The following CDH1 variants were observed in gnomAD, a reference collection of about 807,000 sequenced individuals.
The protein encoded by CDH1 is cadherin-1.
A neutral mutation model predicts 84.5 loss-of-function variants in CDH1; 35 were observed. That is an observed-to-expected ratio of 0.41 (90% CI 0.32 to 0.55). CDH1 has a LOEUF of 0.55. Among genes scored for constraint, CDH1 ranks in the 20% least tolerant of loss-of-function variants. The pLI is 0.19. For missense variants in CDH1, 994 were observed against 1,126.6 expected (o/e 0.88, Z 1.68); for synonymous variants, 417 against 439.0 (o/e 0.95, Z 0.63).
intron 10 of CDH1, among the ~76,000 whole-genome samples, chr16:68,816,071 G>A (rs1314234223): frequency 6.6e-6 from 1 of 152,156 alleles, no homozygotes; most frequent in South Asian, 2.1e-4. Context: ...AGGCTAGCGT[G>A]CAGTGGCGTG....
At chr16:68,792,034 C>A (rs912272860) in intron 2 of CDH1, among the ~76,000 whole-genome samples, 1 of 151,500 alleles carries the variant, frequency 6.6e-6, no homozygotes, top group South Asian at 2.1e-4. Flanking sequence ...AATTCTCCTG[C>A]CTTACTCTCC....
At chr16:68,804,175 G>A (rs569171362) in intron 3 of CDH1, among the ~76,000 whole-genome samples, 15 of 133,170 alleles carry the variant, frequency 1.1e-4, no homozygotes, top group Non-Finnish European at 4.7e-5. Context: ...GTGCAGTGGC[G>A]CGATCTCAGC....
intron 15 of CDH1, 117 bp downstream of exon 15, chr16:68,829,914 C>T: frequency 9.2e-7 from 1 of 1,090,662 alleles, no homozygotes; most frequent in Non-Finnish European, 1.4e-6. Flanking sequence ...TTCAGCTTGC[C>T]TGAGCCCTGG....
chr16:68,795,692 C>T (rs916469695), intron 2 of CDH1, among the ~76,000 whole-genome samples: 2 of 147,966 alleles, frequency 1.4e-5, no homozygotes, highest in African/African-American at 4.9e-5. Flanking sequence ...GACGGGGTTT[C>T]ACCATGTTGA....
intron 10 of CDH1, among the ~76,000 whole-genome samples, chr16:68,816,833 A>AATAT (rs1961000883): frequency 6.6e-6 from 1 of 152,198 alleles, no homozygotes; most frequent in African/African-American, 2.4e-5. Flanking sequence ...CATGCTCCAA[A>AATAT]CTGTAAGGCC....
chr16:68,801,747 G>A lies in CDH1; in HGVS notation c.241G>A (p.Gly81Ser), dbSNP rs1060501225. The change falls in exon 3 of 16, where the codon GGT becomes AGT. Residue 81 changes from glycine to serine, a missense_variant. This residue lies in a region of CDH1 where 203 missense variants were observed against 194.0 expected (regional missense o/e 1.05). Coordinates refer to ENST00000261769, the MANE Select transcript of CDH1 (RefSeq NM_004360.5). ...LDTRFKVGTD[G>S]VITVKRPLRF... ...CACCCGATTCAAAGTGGGCACAGATGGTGTGATTACAGTCAAAAGGCCTCT... is the reference window on the plus strand; with the variant it reads ...CACCCGATTCAAAGTGGGCACAGATAGTGTGATTACAGTCAAAAGGCCTCT... 2 of 1,614,158 alleles carry A rather than the reference G, an allele frequency of 1.2e-6. No individual in the cohort carries two copies. The highest frequency in any genetic ancestry group is 1.6e-4 in the Middle Eastern group (1 of 6,062).
chr16:68,818,959 G>A (rs543955255), intron 10 of CDH1, among the ~76,000 whole-genome samples: 3 of 151,752 alleles, frequency 2.0e-5, no homozygotes. Flanking sequence ...AGGTTCAAAC[G>A]ATTCTCCTGC....
At chr16:68,792,178 C>T (rs1960224798) in intron 2 of CDH1, among the ~76,000 whole-genome samples, 1 of 151,044 alleles carries the variant, frequency 6.6e-6, no homozygotes, top group Non-Finnish European at 1.5e-5. Flanking sequence ...GCCTCAGCCT[C>T]CCAAAGTGCT....
intron 2 of CDH1, among the ~76,000 whole-genome samples, chr16:68,780,687 T>C (rs12599517): frequency 0.29 from 44,608 of 152,028 alleles, 6,633 homozygotes; most frequent in Middle Eastern, 0.34. Flanking sequence ...TGCTGATGAA[T>C]CAGGAGTGGC....
chr16:68,812,315 A>T, intron 8 of CDH1, 52 bp downstream of exon 8: 1 of 1,594,480 alleles, frequency 6.3e-7, no homozygotes, highest in Non-Finnish European at 8.6e-7. Flanking sequence ...TTTGTTGTTC[A>T]TGAACTAAGT....
In CDH1 at chr16:68,818,143, G is replaced by A. The variant is rs1438758288; in HGVS notation, c.1566-1137G>A. 2.7e-5 allele frequency among the ~76,000 whole-genome samples: 4 copies of A among 150,844 alleles called. No individual in the cohort carries two copies. The East Asian group carries it at 7.8e-4, about 29-fold the overall frequency. On this transcript the variant is annotated intron_variant, in intron 10 of 15. Coordinates refer to ENST00000261769, the MANE Select transcript of CDH1 (RefSeq NM_004360.5). The stretch of plus-strand genomic sequence containing the variant: ...TAGACCCAGCTATTCAGGAGGCTGG[G>A]GCAGGAGAATGGCATGAACCTGGGA...
intron 2 of CDH1, among the ~76,000 whole-genome samples, chr16:68,756,098 A>G (rs1963011008): frequency 6.6e-6 from 1 of 151,120 alleles, no homozygotes; most frequent in Non-Finnish European, 1.5e-5. Context: ...CTGCAGAGGG[A>G]TGATATTTTC....
chr16:68,747,857 T>C (rs1962784048), intron 2 of CDH1, among the ~76,000 whole-genome samples: 1 of 151,370 alleles, frequency 6.6e-6, no homozygotes, highest in Non-Finnish European at 1.5e-5. Flanking sequence ...TCCGCCTCCC[T>C]GGTTCAAGTG....
intron 2 of CDH1, among the ~76,000 whole-genome samples, chr16:68,773,261 A>C (rs1163543363): frequency 6.7e-6 from 1 of 149,884 alleles, no homozygotes; most frequent in East Asian, 2.0e-4. Flanking sequence ...CATGTGAGCA[A>C]CCTTGACATT....
At chr16:68,765,077 A>C (rs1959328334) in intron 2 of CDH1, 1 of 152,228 alleles carries the variant, frequency 6.6e-6, no homozygotes, top group Admixed American at 6.5e-5. Flanking sequence ...ACTCAAGCTG[A>C]GCAGAAAACA....
At chr16:68,787,820 G>A (rs796183248) in intron 2 of CDH1, among the ~76,000 whole-genome samples, 7 of 100,704 alleles carry the variant, frequency 7.0e-5, no homozygotes, top group African/African-American at 1.5e-4. Flanking sequence ...CACCACGCCC[G>A]GCTAATTTTT....
rs1597894113 is a variant in CDH1, at chr16:68,811,761, A to G, written c.910A>G (p.Ile304Val). 6.2e-7 allele frequency: 1 copy of G among 1,614,070 alleles called. No individual in the cohort carries two copies. The highest frequency in any genetic ancestry group is 1.1e-5 in the South Asian group (1 of 91,080). The change falls in exon 7 of 16, where the codon ATC becomes GTC. Residue 304 changes from isoleucine (I) to valine (V), a missense_variant. Around this residue, in one of 3 missense-constraint regions of CDH1, gnomAD observed 769 missense variants for 881.8 expected, o/e 0.87. Coordinates refer to ENST00000261769, the MANE Select transcript of CDH1 (RefSeq NM_004360.5). The part of the protein sequence containing the change: ...NTYNAAIAYT[I>V]LSQDPELPDK... The stretch of plus-strand genomic sequence containing the variant: ...CTACAATGCCGCCATCGCTTACACC[A>G]TCCTCAGCCAAGATCCTGAGCTCCC...
chr16:68,818,674 C>G (rs556395195), intron 10 of CDH1, among the ~76,000 whole-genome samples: 1 of 150,220 alleles, frequency 6.7e-6, no homozygotes, highest in Non-Finnish European at 1.5e-5. Flanking sequence ...CGGTGTAAAC[C>G]GCGTCTCAAC....
intron 2 of CDH1, among the ~76,000 whole-genome samples, chr16:68,758,028 G>A (rs1352108747): frequency 7.1e-6 from 1 of 140,680 alleles, no homozygotes; most frequent in Non-Finnish European, 1.5e-5. Flanking sequence ...TGCCCAGGCT[G>A]GTTTTGAACT....
Sources: gnomAD v4.1 joint callset for allele counts (sites outside exome capture counted in the v4.1 genomes callset) on GRCh38, gnomAD v4.1.1 for gene constraint, gnomAD v4.1.1 regional missense constraint, MANE v1.5 for transcripts, NCBI Gene and HGNC (gene_info 2026-07-23, HGNC 2026-07-21) for gene names.